The following ZMYM2 variants were observed in gnomAD, a reference collection of about 807,000 sequenced individuals.
ZMYM2 encodes the protein zinc finger MYM-type protein 2.
In ZMYM2, 56 loss-of-function variants were observed where a neutral mutation model predicts 162.8. That is an observed-to-expected ratio of 0.34 (90% CI 0.28 to 0.43). The LOEUF is 0.43. ZMYM2 is among the 20% of genes least tolerant of loss of function. The probability of loss-of-function intolerance (pLI) is 1.00; values close to 1 mark genes in which losing one functional copy is unlikely to be tolerated. For synonymous variants in ZMYM2, 510 were observed against 541.6 expected (o/e 0.94, Z 0.81); for missense variants, 1,275 against 1,621.8 (o/e 0.79, Z 3.67).
At chr13:19,910,179 A>C in the ZMYM2 span, among the ~76,000 whole-genome samples, 16 of 152,070 alleles carry the variant, frequency 1.1e-4, no homozygotes, top group East Asian at 3.1e-3. Context: ...GTGAGCCGAG[A>C]TTGCGCCACT....
the ZMYM2 span, among the ~76,000 whole-genome samples, chr13:19,935,851 T>C: frequency 4.9e-4 from 75 of 152,320 alleles, no homozygotes; most frequent in South Asian, 3.9e-3. Flanking sequence ...TTTCTTTTTC[T>C]GGAAATAAAT....
chr13:19,969,463 T>TAGTA (rs1301493496), intron 2 of ZMYM2, among the ~76,000 whole-genome samples: 1 of 152,224 alleles, frequency 6.6e-6, no homozygotes. Context: ...GGTCGTAATA[T>TAGTA]AGTATAAGGT....
the ZMYM2 span, among the ~76,000 whole-genome samples, chr13:19,938,151 C>T: frequency 2.6e-5 from 4 of 152,056 alleles, no homozygotes; most frequent in Non-Finnish European, 4.4e-5. Context: ...ATTTATAATC[C>T]TTTGGGTATA....
chr13:20,046,581 A>ATATATGTGTG (rs1270115549), intron 12 of ZMYM2, among the ~76,000 whole-genome samples: 6 of 117,510 alleles, frequency 5.1e-5, no homozygotes, highest in African/African-American at 1.6e-4. Flanking sequence ...ATATATATAT[A>ATATATGTGTG]TGTGTGTGTG....
rs1205992386 is a variant in ZMYM2, at chr13:19,959,955, C to G, written c.-79-3C>G. On this transcript the variant is annotated splice_polypyrimidine_tract_variant and splice_region_variant and intron_variant, in intron 1 of 24. Coordinates refer to ENST00000610343, the MANE Select transcript of ZMYM2 (RefSeq NM_197968.4). Reference sequence around the variant, plus strand: ...ACATTTTTCTTTTTTCCTCCTATCCCAGGACCAAGAATCGCCTTCAGCCCT... The same window carrying G: ...ACATTTTTCTTTTTTCCTCCTATCCGAGGACCAAGAATCGCCTTCAGCCCT... The G allele has an allele frequency of 6.6e-6, 1 of 152,242 alleles. No individual in the cohort carries two copies. The highest frequency in any genetic ancestry group is 1.5e-5 in the Non-Finnish European group (1 of 68,084). The allele number at this position is 152,242 out of a possible 1,614,324, so 9.4% of individuals were successfully genotyped here.
At chr13:19,935,853 GAAAT>G in the ZMYM2 span, among the ~76,000 whole-genome samples, 1 of 152,076 alleles carries the variant, frequency 6.6e-6, no homozygotes, top group South Asian at 2.1e-4. Flanking sequence ...TCTTTTTCTG[GAAAT>G]AAATAATGAC....
chr13:19,991,974 C>T (rs547023885), intron 2 of ZMYM2, among the ~76,000 whole-genome samples: 1 of 152,226 alleles, frequency 6.6e-6, no homozygotes, highest in Non-Finnish European at 1.5e-5. Flanking sequence ...TTGTGACCCA[C>T]TCAGGTAATC....
the ZMYM2 span, among the ~76,000 whole-genome samples, chr13:19,911,830 G>C: frequency 1.4e-4 from 21 of 152,316 alleles, no homozygotes; most frequent in South Asian, 3.1e-3. Flanking sequence ...CCAAGTAGAA[G>C]CCACTAGACC....
rs536537255 is a variant in ZMYM2, at chr13:20,008,410, C to T, written c.1512+1824C>T. ...CCTTCCAAAGTGCTGGGATTACAGGCGTGAGCCATCATTCCCGCCCAATTG... is the reference window on the plus strand; with the variant it reads ...CCTTCCAAAGTGCTGGGATTACAGGTGTGAGCCATCATTCCCGCCCAATTG... On this transcript the variant is annotated intron_variant, in intron 6 of 24. Transcript: ENST00000610343. Among the ~76,000 whole-genome samples the T allele has an allele frequency of 3.2e-4, 48 of 152,354 alleles. No homozygotes were observed. In the South Asian group the frequency reaches 8.7e-3, roughly 28 times the overall value.
At chr13:20,079,609 C>A (rs545137566) in intron 21 of ZMYM2, among the ~76,000 whole-genome samples, 21 of 152,192 alleles carry the variant, frequency 1.4e-4, no homozygotes, top group Non-Finnish European at 2.1e-4. Context: ...ATAACAGCAA[C>A]AATAATATGG....
chr13:19,926,899 C>T, the ZMYM2 span, among the ~76,000 whole-genome samples: 1 of 152,182 alleles, frequency 6.6e-6, no homozygotes, highest in African/African-American at 2.4e-5. Context: ...AACTCCTGAG[C>T]TCAAGCAATT....
At chr13:19,891,574 G>A in the ZMYM2 span, among the ~76,000 whole-genome samples, 1 of 143,868 alleles carries the variant, frequency 7.0e-6, no homozygotes. Flanking sequence ...CCAGGAGTTT[G>A]AGACCAGCCC....
upstream of ZMYM2, among the ~76,000 whole-genome samples, chr13:19,954,807 ATTG>A (rs916362130): frequency 1.3e-4 from 20 of 151,312 alleles, no homozygotes; most frequent in East Asian, 3.9e-4. Flanking sequence ...TTGTTAAAAT[ATTG>A]TTGTTTTTTT....
chr13:20,086,162 C>G lies in ZMYM2; in HGVS notation c.*148C>G. On this transcript the variant is annotated 3_prime_UTR_variant, in exon 25 of 25. Transcript: ENST00000610343. ...CGCTGGGTATTACCATGTAAATAAT[C>G]TGTGAGTGAAAGTTGCCATTATTCT... 1 of 663,350 alleles carries G rather than the reference C, an allele frequency of 1.5e-6. No individual in the cohort carries two copies. Among genetic ancestry groups the G allele is most frequent in the Non-Finnish European group, 2.3e-6 (1 of 428,662 alleles). 41.1% of individuals were successfully genotyped at this position (663,350 alleles called of 1,614,324 possible).
rs936422793 is a variant in ZMYM2, at chr13:19,971,458, C to T, written c.-11+11432C>T. ...GTTAATTTTGTAGTTTTAGTAGAGA[C>T]GGGGTTTCTCCATGTTGGTCAGGCT... On this transcript the variant is annotated intron_variant, in intron 2 of 24. Transcript: ENST00000610343. 1.2e-4 allele frequency among the ~76,000 whole-genome samples: 18 copies of T among 150,878 alleles called. No homozygotes were observed. The East Asian group carries it at 2.2e-3, about 18-fold the overall frequency.
chr13:19,882,174 T>C, the ZMYM2 span, among the ~76,000 whole-genome samples: 2 of 152,064 alleles, frequency 1.3e-5, no homozygotes, highest in Non-Finnish European at 2.9e-5. Flanking sequence ...AAATAATAAA[T>C]CAGACTTCAT....
Position 19,993,387 on chromosome 13 carries a change from G to A in ZMYM2, c.315G>A (p.Glu105=), listed in dbSNP as rs998974446. 9.9e-6 allele frequency: 16 copies of A among 1,613,734 alleles called. No individual in the cohort carries two copies. Among genetic ancestry groups the A allele is most frequent in the Non-Finnish European group, 1.3e-5 (15 of 1,179,828 alleles). Reference sequence around the variant, plus strand: ...CCAAAATTACTCCTTCCTCAAAAGAGTTGGCATCTCAGAAGGGAAGTGTAA... The same window carrying A: ...CCAAAATTACTCCTTCCTCAAAAGAATTGGCATCTCAGAAGGGAAGTGTAA... ...NDSKITPSSK[E]LASQKGSVSE... The change falls in exon 3 of 25, where the codon GAG becomes GAA. Residue 105 remains glutamate, a synonymous_variant. Transcript: ENST00000610343.
At chr13:20,080,471 G>A (rs1231513839) in intron 21 of ZMYM2, among the ~76,000 whole-genome samples, 1 of 151,428 alleles carries the variant, frequency 6.6e-6, no homozygotes, top group Non-Finnish European at 1.5e-5. Flanking sequence ...TAAAAAAATT[G>A]AATCCGACAA....
intron 2 of ZMYM2, among the ~76,000 whole-genome samples, chr13:19,987,256 A>T (rs1949232020): frequency 6.6e-6 from 1 of 152,016 alleles, no homozygotes; most frequent in Non-Finnish European, 1.5e-5. Flanking sequence ...GTAAATAAAC[A>T]ATGCAGCTCT....
Sources: gnomAD v4.1 joint callset for allele counts (sites outside exome capture counted in the v4.1 genomes callset) on GRCh38, gnomAD v4.1.1 for gene constraint, MANE v1.5 for transcripts, NCBI Gene and HGNC (gene_info 2026-07-23, HGNC 2026-07-21) for gene names.